The following WDR7 variants were observed in gnomAD, a reference collection of about 807,000 sequenced individuals.
WDR7 encodes WD repeat domain 7.
Under a neutral mutation model 169.4 loss-of-function variants are expected in WDR7, and 46 were observed. That is an observed-to-expected ratio of 0.27 (90% CI 0.21 to 0.35). WDR7 has a LOEUF of 0.35. WDR7 is among the 10% of genes least tolerant of loss of function. WDR7 has a pLI of 1.00. For synonymous variants in WDR7, 612 were observed against 666.8 expected (o/e 0.92, Z 1.27); for missense variants, 1,534 against 1,859.3 (o/e 0.83, Z 3.22).
intron 25 of WDR7, among the ~76,000 whole-genome samples, chr18:56,944,066 G>A (rs2047069395): frequency 7.4e-6 from 1 of 134,352 alleles, no homozygotes; most frequent in Admixed American, 8.8e-5. Flanking sequence ...TCGGCTCACT[G>A]CAACCTCTGC....
At chr18:56,814,030 C>A (rs2044922291) in intron 19 of WDR7, among the ~76,000 whole-genome samples, 1 of 152,156 alleles carries the variant, frequency 6.6e-6, no homozygotes, top group Admixed American at 6.6e-5. Flanking sequence ...CCCACCCTGT[C>A]CCCAGGAGCT....
chr18:56,829,296 CCA>C (rs368606980), intron 20 of WDR7, among the ~76,000 whole-genome samples: 1 of 149,956 alleles, frequency 6.7e-6, no homozygotes, highest in Non-Finnish European at 1.5e-5. Context: ...CCTCCCCCTA[CCA>C]CACACACACA....
intron 26 of WDR7, among the ~76,000 whole-genome samples, chr18:56,981,032 A>G (rs2047637346): frequency 6.6e-6 from 1 of 152,190 alleles, no homozygotes. Flanking sequence ...AAAAGTAGAA[A>G]TGGGGAGACT....
intron 14 of WDR7, among the ~76,000 whole-genome samples, chr18:56,750,469 CT>C (rs1159857900): frequency 6.6e-6 from 1 of 152,136 alleles, no homozygotes; most frequent in Non-Finnish European, 1.5e-5. Context: ...AGGACAGAGG[CT>C]TTATTTTGTC....
chr18:56,865,511 A>G (rs73958375), intron 20 of WDR7, among the ~76,000 whole-genome samples: 8,614 of 152,178 alleles, frequency 0.057, 860 homozygotes, highest in African/African-American at 0.2. Flanking sequence ...GAGGTGCAGT[A>G]TGTGACTTTT....
At chr18:56,716,509 A>ATT (rs1276854818) in intron 12 of WDR7, among the ~76,000 whole-genome samples, 1 of 152,222 alleles carries the variant, frequency 6.6e-6, no homozygotes, top group Non-Finnish European at 1.5e-5. Flanking sequence ...TCATTCAAAC[A>ATT]TTGATTTTAG....
At chr18:56,846,566 T>G (rs2045571473) in intron 20 of WDR7, among the ~76,000 whole-genome samples, 1 of 152,316 alleles carries the variant, frequency 6.6e-6, no homozygotes, top group East Asian at 1.9e-4. Flanking sequence ...GAACCTCTTT[T>G]TGTTCCCAGT....
chr18:56,843,192 A>G (rs1189507330), intron 20 of WDR7, among the ~76,000 whole-genome samples: 2 of 152,226 alleles, frequency 1.3e-5, no homozygotes, highest in African/African-American at 2.4e-5. Context: ...AAAATTGGGC[A>G]TTAGATCACT....
At chr18:56,910,339 A>C (rs1460104212) in intron 21 of WDR7, among the ~76,000 whole-genome samples, 1 of 152,208 alleles carries the variant, frequency 6.6e-6, no homozygotes, top group African/African-American at 2.4e-5. Flanking sequence ...TATTAGAAGC[A>C]ATGTAAAAAC....
intron 20 of WDR7, among the ~76,000 whole-genome samples, chr18:56,868,094 T>G (rs762650308): frequency 1.3e-5 from 2 of 152,178 alleles, no homozygotes; most frequent in Non-Finnish European, 2.9e-5. Flanking sequence ...CTAACTATGC[T>G]CCTTTATTTC....
intron 27 of WDR7, among the ~76,000 whole-genome samples, chr18:57,024,831 G>A (rs33970604): frequency 0.15 from 1,783 of 12,038 alleles, 15 homozygotes; most frequent in East Asian, 0.31. Context: ...GGATATGTGA[G>A]CTATGATAGT....
At chr18:56,788,172 G>C (rs2044431241) in intron 19 of WDR7, among the ~76,000 whole-genome samples, 1 of 151,986 alleles carries the variant, frequency 6.6e-6, no homozygotes, top group African/African-American at 2.4e-5. Flanking sequence ...AAAAGTCTTT[G>C]GCTTTTTCAT....
chr18:56,700,732 G>A (rs2144665004), intron 12 of WDR7, among the ~76,000 whole-genome samples: 2 of 147,032 alleles, frequency 1.4e-5, no homozygotes, highest in South Asian at 4.4e-4. Context: ...ACCACGCCCG[G>A]CTAATTTTTT....
intron 12 of WDR7, among the ~76,000 whole-genome samples, chr18:56,699,190 G>T (rs561885880): frequency 2.9e-4 from 44 of 152,154 alleles, no homozygotes; most frequent in Non-Finnish European, 5.6e-4. Flanking sequence ...CAGTTAGCTG[G>T]TTAGGTGGTT....
chr18:56,827,860 T>C (rs938947633), intron 20 of WDR7, among the ~76,000 whole-genome samples: 11 of 151,932 alleles, frequency 7.2e-5, no homozygotes, highest in African/African-American at 2.7e-4. Flanking sequence ...AATGAAAAAT[T>C]TAAAAAAAAC....
chr18:56,765,444 T>G (rs1317642354), intron 16 of WDR7, among the ~76,000 whole-genome samples: 1 of 152,060 alleles, frequency 6.6e-6, no homozygotes, highest in South Asian at 2.1e-4. Flanking sequence ...TCTATGTCTT[T>G]CCGTTATCAC....
intron 9 of WDR7, among the ~76,000 whole-genome samples, chr18:56,693,963 G>A (rs755779359): frequency 3.9e-5 from 6 of 152,034 alleles, no homozygotes; most frequent in Admixed American, 6.5e-5. Context: ...TCAAACTCCT[G>A]GACTCAAGTG....
intron 16 of WDR7, among the ~76,000 whole-genome samples, chr18:56,775,295 G>C (rs1440740201): frequency 2.0e-5 from 3 of 152,116 alleles, no homozygotes; most frequent in Admixed American, 2.0e-4. Context: ...GAAGCCACCA[G>C]AGGAACATTT....
At chr18:56,951,234 G>A (rs748112919) in intron 25 of WDR7, among the ~76,000 whole-genome samples, 12 of 151,958 alleles carry the variant, frequency 7.9e-5, no homozygotes, top group Non-Finnish European at 1.5e-4. Flanking sequence ...TACTCATTAG[G>A]CCCTTAAGAA....
Sources: allele counts gnomAD v4.1 joint callset (sites outside exome capture counted in the v4.1 genomes callset), GRCh38; gene constraint gnomAD v4.1.1; transcripts MANE v1.5; gene names NCBI Gene and HGNC (gene_info 2026-07-23, HGNC 2026-07-21).